The following PCDHA8 variants were observed in gnomAD, a reference collection of about 807,000 sequenced individuals.
PCDHA8 encodes the protein protocadherin alpha-8.
Under a neutral mutation model 61.8 loss-of-function variants are expected in PCDHA8, and 53 were observed. The ratio of observed to expected loss-of-function variants is 0.86; its 90% confidence interval spans 0.69 to 1.08. The LOEUF (loss-of-function observed/expected upper bound fraction) is 1.08. Among genes scored for constraint, PCDHA8 ranks in the 50% least tolerant of loss-of-function variants. PCDHA8 has a pLI of 0.00. For synonymous variants in PCDHA8, 618 were observed against 556.6 expected, an observed-to-expected ratio of 1.11 and a Z score of -1.55; for missense variants, 1,293 against 1,245.0, an observed-to-expected ratio of 1.04 and a Z score of -0.58.
chr5:140,851,284 A>G, intron 1 of PCDHA8: 1 of 1,040,350 alleles, frequency 9.6e-7, no homozygotes, highest in East Asian at 5.3e-5. Context: ...TTTATAAGAA[A>G]CCCAAGCAAA....
At chr5:140,875,339 T>C in intron 1 of PCDHA8, 2 of 1,441,270 alleles carry the variant, frequency 1.4e-6, no homozygotes, top group Non-Finnish European at 1.8e-6. Flanking sequence ...TAGGATCGAC[T>C]CCATAATGAC....
chr5:140,968,383 T>C, intron 1 of PCDHA8: 1 of 1,614,044 alleles, frequency 6.2e-7, no homozygotes. Context: ...CCTTTGACTA[T>C]GAGAAGTTTC....
At chr5:140,954,119 C>A (rs547590061) in intron 1 of PCDHA8, among the ~76,000 whole-genome samples, 1 of 152,274 alleles carries the variant, frequency 6.6e-6, no homozygotes, top group African/African-American at 2.4e-5. Flanking sequence ...AGATCTTGTT[C>A]CTTTTTATGG....
In PCDHA8 at chr5:140,895,583, A is replaced by C. The variant is rs545210218; in HGVS notation, c.2394+51868A>C. On this transcript the variant is annotated intron_variant, in intron 1 of 3. Coordinates refer to ENST00000531613, the MANE Select transcript of PCDHA8 (RefSeq NM_018911.3). ...ATATTCTAGATGCAATTACTTTATT[A>C]GATATATAATTTGCAAAGATTTTCT... Among the ~76,000 whole-genome samples, 15 of 152,292 alleles carry C rather than the reference A, an allele frequency of 9.8e-5. No individual in the cohort carries two copies. In the South Asian group the frequency reaches 3.1e-3, roughly 32 times the overall value.
intron 1 of PCDHA8, among the ~76,000 whole-genome samples, chr5:140,938,921 T>C (rs2092266107): frequency 6.6e-6 from 1 of 151,840 alleles, no homozygotes; most frequent in Non-Finnish European, 1.5e-5. Context: ...GCACAAGAAA[T>C]TGGCTTTTAA....
At chr5:140,910,985 A>G (rs1554194529) in intron 1 of PCDHA8, among the ~76,000 whole-genome samples, 1 of 151,754 alleles carries the variant, frequency 6.6e-6, no homozygotes, top group Non-Finnish European at 1.5e-5. Flanking sequence ...TATACTCTGA[A>G]CCTCACCCCT....
rs1412963703 is a variant in PCDHA8, at chr5:140,852,839, T to C, written c.2394+9124T>C. 5.2e-6 allele frequency: 5 copies of C among 968,992 alleles called. 1 individual carries two copies. Among genetic ancestry groups the C allele is most frequent in the Non-Finnish European group, 6.2e-6 (5 of 802,288 alleles). The allele number at this position is 968,992 out of a possible 1,614,324, so 60.0% of individuals were successfully genotyped here. On this transcript the variant is annotated intron_variant, in intron 1 of 3. Coordinates refer to ENST00000531613, the MANE Select transcript of PCDHA8 (RefSeq NM_018911.3). Reference sequence around the variant, plus strand: ...CTAAGTCCTCCAGTCTCCTTAGAGCTAGTACTTACTAAGCATTTACTATGT... The same window carrying C: ...CTAAGTCCTCCAGTCTCCTTAGAGCCAGTACTTACTAAGCATTTACTATGT...
At chr5:140,885,930 A>AT (rs1188534786) in intron 1 of PCDHA8, among the ~76,000 whole-genome samples, 1 of 152,104 alleles carries the variant, frequency 6.6e-6, no homozygotes, top group African/African-American at 2.4e-5. Flanking sequence ...CTGTTTATCT[A>AT]TTTTTTGACA....
intron 1 of PCDHA8, chr5:140,849,880 T>G (rs2150456156): frequency 3.1e-6 from 5 of 1,598,328 alleles, no homozygotes; most frequent in Non-Finnish European, 4.3e-6. Context: ...GAGTACACGG[T>G]GTTCGTGAAG....
At chr5:140,868,961 A>G in intron 1 of PCDHA8, 1 of 1,418,552 alleles carries the variant, frequency 7.0e-7, no homozygotes, top group Non-Finnish European at 9.5e-7. Context: ...ACTCCCATAC[A>G]AAGGAACTCC....
intron 1 of PCDHA8, chr5:140,877,193 G>C: frequency 6.2e-7 from 1 of 1,613,832 alleles, no homozygotes; most frequent in Non-Finnish European, 8.5e-7. Flanking sequence ...GGCAGCGCAG[G>C]AGGCGCAGTT....
chr5:140,939,607 A>G (rs1396731179), intron 1 of PCDHA8, among the ~76,000 whole-genome samples: 2 of 152,244 alleles, frequency 1.3e-5, no homozygotes, highest in Non-Finnish European at 2.9e-5. Flanking sequence ...CAAAAACAGA[A>G]CAAGGAGACA....
rs2150313272 is a variant in PCDHA8, at chr5:140,841,310, C to G, written c.-12C>G. 53 of 1,550,820 alleles carry G rather than the reference C, an allele frequency of 3.4e-5. No individual in the cohort carries two copies. In the Middle Eastern group the frequency reaches 5.2e-4, roughly 15 times the overall value. Reference sequence around the variant, plus strand: ...TAAGATAATATTTTCTGATAGGAAACGACTATTTAACATGGATTATCACTG... The same window carrying G: ...TAAGATAATATTTTCTGATAGGAAAGGACTATTTAACATGGATTATCACTG... On this transcript the variant is annotated 5_prime_UTR_variant, in exon 1 of 4. Transcript: ENST00000531613.
intron 1 of PCDHA8, chr5:140,877,281 T>TA (rs782748230): frequency 8.7e-6 from 14 of 1,613,708 alleles, no homozygotes; most frequent in Non-Finnish European, 1.2e-5. Context: ...ACTCCGGCTA[T>TA]AACGCTTGGC....
intron 1 of PCDHA8, among the ~76,000 whole-genome samples, chr5:140,914,941 T>C (rs1554196635): frequency 6.9e-6 from 1 of 145,614 alleles, no homozygotes; most frequent in Non-Finnish European, 1.5e-5. Flanking sequence ...TGTGAAAAGT[T>C]GTCTTTTTTT....
At chr5:140,871,707 G>A (rs2053270634) in intron 1 of PCDHA8, 9 of 843,502 alleles carry the variant, frequency 1.1e-5, no homozygotes, top group Non-Finnish European at 1.6e-5. Flanking sequence ...ACCAATAAAT[G>A]TCCTATTTCT....
At chr5:140,871,120 C>G (rs1554165154) in intron 1 of PCDHA8, 1 of 1,613,342 alleles carries the variant, frequency 6.2e-7, no homozygotes, top group Non-Finnish European at 8.5e-7. Flanking sequence ...GGAGAGCGGA[C>G]AGGCGCCAAA....
At chr5:141,005,228 C>G (rs974482410) in intron 3 of PCDHA8, among the ~76,000 whole-genome samples, 11 of 152,182 alleles carry the variant, frequency 7.2e-5, no homozygotes, top group Admixed American at 2.0e-4. Flanking sequence ...TACTAAACAC[C>G]TGTTATGGGC....
At chr5:140,870,483 C>G (rs782740203) in intron 1 of PCDHA8, 10 of 1,614,240 alleles carry the variant, frequency 6.2e-6, no homozygotes, top group Middle Eastern at 1.6e-4. Context: ...CCGAGTACAC[C>G]GTGTTCGTGA....
Sources: gnomAD v4.1 joint callset for allele counts (sites outside exome capture counted in the v4.1 genomes callset) on GRCh38, gnomAD v4.1.1 for gene constraint, MANE v1.5 for transcripts, NCBI Gene and HGNC (gene_info 2026-07-23, HGNC 2026-07-21) for gene names.